ARPP19: variants seen among roughly 807,000 people sequenced by gnomAD.
The protein encoded by ARPP19 is cAMP regulated phosphoprotein 19.
A neutral mutation model predicts 12.0 loss-of-function variants in ARPP19; 8 were observed. The observed-to-expected ratio is 0.67, with a 90% confidence interval of 0.39 to 1.21. The LOEUF (loss-of-function observed/expected upper bound fraction) is 1.21, where lower values mean the gene tolerates loss of function less well. Ranked by LOEUF, ARPP19 falls within the 50% of genes most tolerant of loss-of-function variation. The pLI, the probability that ARPP19 is intolerant of heterozygous loss-of-function variation, is 0.01. For missense variants in ARPP19, 102 were observed against 136.3 expected (o/e 0.75, Z 1.25); for synonymous variants, 47 against 50.4 (o/e 0.93, Z 0.29).
chr15:52,561,955 T>TTA (rs1555393480), intron 1 of ARPP19, among the ~76,000 whole-genome samples: 10 of 146,934 alleles, frequency 6.8e-5, no homozygotes, highest in African/African-American at 2.6e-4. Flanking sequence ...TTTTTTTTTT[T>TTA]TATTAAGATA....
chr15:52,548,017 C>T lies in ARPP19; in HGVS notation c.*3917G>A, dbSNP rs1595857896. 6.6e-6 allele frequency: 1 copy of T among 152,198 alleles called. No individual in the cohort carries two copies. The highest frequency in any genetic ancestry group is 1.5e-5 in the Non-Finnish European group (1 of 68,050). The allele number at this position is 152,198 out of a possible 1,614,324, so 9.4% of individuals were successfully genotyped here. ...GGCCACCAAACTGCTTTAGTTATCA[C>T]TCAGAAGTGCTCTTCCCATTGGCTA... On this transcript the variant is annotated 3_prime_UTR_variant, in exon 3 of 3. Transcript: ENST00000249822.
intron 1 of ARPP19, 59 bp downstream of exon 1, chr15:52,568,767 CGGCCCTCCGCCTGGCGGGAGCA>C (rs954048263): frequency 9.5e-5 from 96 of 1,012,882 alleles, no homozygotes; most frequent in Non-Finnish European, 1.3e-4. Flanking sequence ...ATCTCGGGCG[CGGCCCTCCGCCTGGCGGGAGCA>C]GGCCGCCCGC....
intron 1 of ARPP19, among the ~76,000 whole-genome samples, chr15:52,563,416 C>T (rs2078053327): frequency 6.6e-6 from 1 of 152,096 alleles, no homozygotes; most frequent in South Asian, 2.1e-4. Context: ...CACACAGATA[C>T]ATGTATACGA....
rs1253400687 is a variant in ARPP19, at chr15:52,551,176, C to T, written c.*758G>A. 6.5e-6 allele frequency: 1 copy of T among 152,754 alleles called. No homozygotes were observed. The highest frequency in any genetic ancestry group is 6.5e-5 in the Admixed American group (1 of 15,284). The allele number at this position is 152,754 out of a possible 1,614,324, so 9.5% of individuals were successfully genotyped here. ...ACTTTTTAAGTATGTGAAATTAATA[C>T]AGACATTTGTGAGAGGTTGTGCAAA... On this transcript the variant is annotated 3_prime_UTR_variant, in exon 3 of 3. Transcript: ENST00000249822.
rs1181767476 is a variant in ARPP19 at position 52,557,097 on chromosome 15, T to C, written c.168+3A>G. The C allele has an allele frequency of 1.9e-6, 3 of 1,611,556 alleles. No individual in the cohort carries two copies. The highest frequency in any genetic ancestry group is 2.5e-6 in the Non-Finnish European group (3 of 1,179,756). ...TATTTGGAAATTACCCATGAGAACTTACCCCTTTCTGCAACCGTTTCCTTA... is the reference window on the plus strand; with the variant it reads ...TATTTGGAAATTACCCATGAGAACTCACCCCTTTCTGCAACCGTTTCCTTA... On this transcript the variant is annotated splice_donor_region_variant and intron_variant, in intron 2 of 2. Transcript: ENST00000249822.
chr15:52,554,251 A>G (rs1395863310), intron 2 of ARPP19, among the ~76,000 whole-genome samples: 3 of 152,150 alleles, frequency 2.0e-5, no homozygotes, highest in Non-Finnish European at 2.9e-5. Flanking sequence ...GGGGGTCTCA[A>G]TTAACTGTAG....
rs986477965 is a variant in ARPP19, at chr15:52,550,969, G to A, written c.*965C>T. 4.6e-5 allele frequency: 7 copies of A among 152,686 alleles called. No individual in the cohort carries two copies. The highest frequency in any genetic ancestry group is 7.3e-5 in the Non-Finnish European group (5 of 68,048). 9.5% of individuals were successfully genotyped at this position (152,686 alleles called of 1,614,324 possible). On this transcript the variant is annotated 3_prime_UTR_variant, in exon 3 of 3. Coordinates refer to ENST00000249822, the MANE Select transcript of ARPP19 (RefSeq NM_006628.6). ...AAGCAACATATCGTATTTGCACAAG[G>A]CCACTGAATGTCATGGATATTAGTA...
At chr15:52,569,052 C>T (rs1215554342), upstream of ARPP19, 4 of 602,006 alleles carry the variant, frequency 6.6e-6, no homozygotes, top group African/African-American at 8.1e-5. Flanking sequence ...GCGAAACGCT[C>T]CGCTGGCCAA....
rs566390401 is a variant in ARPP19 at position 52,552,830 on chromosome 15, G to A, written c.169-726C>T. 2.0e-5 allele frequency among the ~76,000 whole-genome samples: 3 copies of A among 152,270 alleles called. No individual in the cohort carries two copies. The East Asian group carries it at 5.8e-4, about 29-fold the overall frequency. On this transcript the variant is annotated intron_variant, in intron 2 of 2. Transcript: ENST00000249822. ...CATGCCTGTAATCCCAGCACTTTGGGAGGCCGAGTTGGGTGGATCACTTGA... is the reference window on the plus strand; with the variant it reads ...CATGCCTGTAATCCCAGCACTTTGGAAGGCCGAGTTGGGTGGATCACTTGA...
intron 1 of ARPP19, chr15:52,557,743 T>C (rs1258234206): frequency 6.6e-6 from 1 of 151,874 alleles, no homozygotes; most frequent in African/African-American, 2.4e-5. Context: ...ATTTTTAATA[T>C]TTTTATTATT....
At position 52,551,271 on chromosome 15, in the gene ARPP19, T is replaced by A. The variant is rs186000597; in HGVS notation, c.*663A>T. ...AATGCACATGCATACTTCATTCACA[T>A]CTTCAACAACAAAAGGTATTCTAAC... On this transcript the variant is annotated 3_prime_UTR_variant, in exon 3 of 3. Transcript: ENST00000249822. 2 of 152,800 alleles carry A rather than the reference T, an allele frequency of 1.3e-5. No individual in the cohort carries two copies. Among genetic ancestry groups the A allele is most frequent in the East Asian group, 1.9e-4 (1 of 5,190 alleles). The allele number at this position is 152,800 out of a possible 1,614,324, so 9.5% of individuals were successfully genotyped here. A position where few individuals can be genotyped will look rare whatever the true frequency, so the allele number is the denominator to read the frequency against.
intron 1 of ARPP19, among the ~76,000 whole-genome samples, chr15:52,561,835 A>C (rs2078035419): frequency 6.6e-6 from 1 of 151,624 alleles, no homozygotes; most frequent in South Asian, 2.1e-4. Context: ...ATCTAAAAAC[A>C]AGGACATAGG....
chr15:52,551,145 T>C lies in ARPP19; in HGVS notation c.*789A>G, dbSNP rs1393638273. On this transcript the variant is annotated 3_prime_UTR_variant, in exon 3 of 3. Transcript: ENST00000249822. Reference sequence around the variant, plus strand: ...AACTCTTGTGCTTCTGGTTGGCACATTATCTACTTTTTAAGTATGTGAAAT... The same window carrying C: ...AACTCTTGTGCTTCTGGTTGGCACACTATCTACTTTTTAAGTATGTGAAAT... 1.3e-5 allele frequency: 2 copies of C among 152,778 alleles called. No homozygotes were observed. Among genetic ancestry groups the C allele is most frequent in the Non-Finnish European group, 2.9e-5 (2 of 68,052 alleles). 9.5% of individuals were successfully genotyped at this position (152,778 alleles called of 1,614,324 possible).
intron 1 of ARPP19, 45 bp downstream of exon 1, chr15:52,568,803 A>AC: frequency 6.8e-7 from 1 of 1,475,286 alleles, no homozygotes; most frequent in Non-Finnish European, 9.1e-7. Context: ...CGCCCGCCAG[A>AC]CCCGGCCTTG....
At chr15:52,567,818 A>T (rs577976480) in intron 1 of ARPP19, among the ~76,000 whole-genome samples, 1 of 152,328 alleles carries the variant, frequency 6.6e-6, no homozygotes, top group South Asian at 2.1e-4. Context: ...CCAATTCCCA[A>T]CTTAATTAGG....
At chr15:52,560,131 T>C (rs957063724) in intron 1 of ARPP19, among the ~76,000 whole-genome samples, 3 of 152,318 alleles carry the variant, frequency 2.0e-5, no homozygotes, top group African/African-American at 7.2e-5. Context: ...CCATTTGATA[T>C]ATAAAGGAAA....
In ARPP19 at chr15:52,557,087, C is replaced by CA. The variant is rs758244580; in HGVS notation, c.168+12dup. On this transcript the variant is annotated intron_variant, in intron 2 of 2. Transcript: ENST00000249822. ...AGGGCTTAAGTATTTGGAAATTACC[C>CA]ATGAGAACTTACCCCTTTCTGCAAC... is the stretch of plus-strand genomic sequence containing the variant. The CA allele has an allele frequency of 1.2e-5, 20 of 1,610,878 alleles. No homozygotes were observed. In the African/African-American group the frequency reaches 2.4e-4, roughly 19 times the overall value.
intron 1 of ARPP19, among the ~76,000 whole-genome samples, chr15:52,559,351 T>G (rs1398622446): frequency 1.3e-5 from 2 of 152,224 alleles, no homozygotes; most frequent in African/African-American, 4.8e-5. Context: ...TTGGGTATCT[T>G]GCAGAGCATA....
At chr15:52,558,735 AC>A (rs1455459956) in intron 1 of ARPP19, among the ~76,000 whole-genome samples, 1 of 151,756 alleles carries the variant, frequency 6.6e-6, no homozygotes, top group African/African-American at 2.4e-5. Flanking sequence ...AGAAAAAAAA[AC>A]TTCATAAAAT....
Sources: gnomAD v4.1 joint callset for allele counts (sites outside exome capture counted in the v4.1 genomes callset) on GRCh38, gnomAD v4.1.1 for gene constraint, MANE v1.5 for transcripts, NCBI Gene and HGNC (gene_info 2026-07-23, HGNC 2026-07-21) for gene names.